Variants in CDH3 observed in about 807,000 individuals in gnomAD.
CDH3 encodes cadherin-3.
CDH3 carries 54 observed loss-of-function variants against 82.0 expected under a neutral mutation model. That is an observed-to-expected ratio of 0.66 (90% CI 0.53 to 0.83). The LOEUF (loss-of-function observed/expected upper bound fraction) is 0.83. Among genes scored for constraint, CDH3 ranks in the 40% least tolerant of loss-of-function variants. The pLI is 0.00. For synonymous variants in CDH3, 446 were observed against 437.9 expected, an observed-to-expected ratio of 1.02 and a Z score of -0.23; for missense variants, 1,054 against 1,084.6, an observed-to-expected ratio of 0.97 and a Z score of 0.40.
intron 2 of CDH3, among the ~76,000 whole-genome samples, chr16:68,657,532 C>A (rs1180751028): frequency 6.6e-6 from 1 of 152,114 alleles, no homozygotes; most frequent in Non-Finnish European, 1.5e-5. Flanking sequence ...AAACGTCTTC[C>A]TTTCTCCCTC....
downstream of CDH3, among the ~76,000 whole-genome samples, chr16:68,732,378 T>C (rs1962302180): frequency 6.6e-6 from 1 of 152,170 alleles, no homozygotes; most frequent in African/African-American, 2.4e-5. Flanking sequence ...TGCCAGGAGA[T>C]GAAAGGGACA....
intron 2 of CDH3, among the ~76,000 whole-genome samples, chr16:68,653,365 G>C (rs549329076): frequency 1.4e-3 from 217 of 151,814 alleles, no homozygotes; most frequent in African/African-American, 5.0e-3. Flanking sequence ...GCCTTCCCAA[G>C]TAGCTGGGAT....
chr16:68,673,062 ATTGT>A (rs1379442817), intron 2 of CDH3, among the ~76,000 whole-genome samples: 4 of 151,982 alleles, frequency 2.6e-5, no homozygotes, highest in Admixed American at 2.6e-4. Flanking sequence ...ATTCTCCCTC[ATTGT>A]TTGGGCCGAT....
chr16:68,681,590 C>T (rs1273744068), intron 8 of CDH3, among the ~76,000 whole-genome samples: 1 of 152,226 alleles, frequency 6.6e-6, no homozygotes, highest in Non-Finnish European at 1.5e-5. Flanking sequence ...AATCCCAGCA[C>T]TTTGGGAGGC....
intron 2 of CDH3, among the ~76,000 whole-genome samples, chr16:68,674,811 A>G (rs540597671): frequency 6.6e-6 from 1 of 152,240 alleles, no homozygotes; most frequent in Non-Finnish European, 1.5e-5. Flanking sequence ...TATTACTTTC[A>G]TTATTTTAAA....
chr16:68,646,657 C>T (rs1329399157), intron 2 of CDH3, among the ~76,000 whole-genome samples: 2 of 97,042 alleles, frequency 2.1e-5, no homozygotes, highest in Admixed American at 1.0e-4. Flanking sequence ...ATGGGGGCTC[C>T]AGCAAGGGTT....
rs767479323 is a variant in CDH3, at chr16:68,682,387, C to T, written c.1082C>T (p.Ala361Val). The T allele has an allele frequency of 9.3e-6, 15 of 1,613,932 alleles. No individual in the cohort carries two copies. The highest frequency in any genetic ancestry group is 2.2e-5 in the East Asian group (1 of 44,894). Residue 361 changes from alanine to valine, a missense_variant, in exon 9 of 16, where the codon GCG becomes GTG. Ala to Val is a moderately conservative substitution (Grantham distance 64, BLOSUM62 0). Coordinates refer to ENST00000264012, the MANE Select transcript of CDH3 (RefSeq NM_001793.6). ...VTDLDAPNSP[A>V]WRATYLIMGG... ...GATCTGGACGCCCCCAACTCACCAG[C>T]GTGGCGTGCCACCTACCTTATCATG...
rs766148881 is a variant in CDH3, at chr16:68,687,068, T to C, written c.1571-444T>C. On this transcript the variant is annotated intron_variant, in intron 11 of 15. Coordinates refer to ENST00000264012, the MANE Select transcript of CDH3 (RefSeq NM_001793.6). ...TCAGTTTTCCCTTGTGATTGATTGA[T>C]AGGGGCTGACTGGAAAGTGCCATGA... Among the ~76,000 whole-genome samples the C allele has an allele frequency of 1.4e-4, 21 of 152,316 alleles. No homozygotes were observed. The Middle Eastern group carries it at 0.014, about 99-fold the overall frequency.
chr16:68,675,562 C>T (rs1211220858), intron 2 of CDH3, among the ~76,000 whole-genome samples: 4 of 151,936 alleles, frequency 2.6e-5, no homozygotes, highest in African/African-American at 9.7e-5. Context: ...TTTGGGAGAC[C>T]GAGGCGGGTG....
At chr16:68,659,923 C>T (rs1960514540) in intron 2 of CDH3, among the ~76,000 whole-genome samples, 1 of 151,852 alleles carries the variant, frequency 6.6e-6, no homozygotes, top group South Asian at 2.1e-4. Context: ...CTTAGAATCA[C>T]AGGCATCTTT....
intron 2 of CDH3, among the ~76,000 whole-genome samples, chr16:68,723,977 G>A (rs1333182729): frequency 1.3e-5 from 2 of 151,800 alleles, no homozygotes; most frequent in Non-Finnish European, 2.9e-5. Context: ...GCTGAGGCAG[G>A]AGAATGGCGT....
intron 2 of CDH3, among the ~76,000 whole-genome samples, chr16:68,660,829 G>A (rs1241104187): frequency 1.3e-5 from 2 of 152,106 alleles, no homozygotes; most frequent in African/African-American, 4.8e-5. Context: ...CGTAGTGGCA[G>A]GCGCCTGTAG....
intron 1 of CDH3, among the ~76,000 whole-genome samples, chr16:68,712,371 G>A (rs895646487): frequency 6.6e-6 from 1 of 152,078 alleles, no homozygotes; most frequent in African/African-American, 2.4e-5. Flanking sequence ...GGAGCTGGGA[G>A]TAAACAGTGG....
rs928844299 is a variant in CDH3 at position 68,721,149 on chromosome 16, G to A, written c.100-1276G>A. Among the ~76,000 whole-genome samples, 6 of 151,196 alleles carry A rather than the reference G, an allele frequency of 4.0e-5. No individual in the cohort carries two copies. The East Asian group carries it at 1.2e-3, about 29-fold the overall frequency. ...GCTCCTAATCATCATACTAAATCAT[G>A]TGACATTCCTGGAGACAAGCTGTGT... is the stretch of plus-strand genomic sequence containing the variant. On this transcript the variant is annotated intron_variant, in intron 1 of 2. Coordinates refer to the CDH3 transcript ENST00000569080.
chr16:68,731,513 T>TAC (rs1445529936), downstream of CDH3, among the ~76,000 whole-genome samples: 24 of 35,120 alleles, frequency 6.8e-4, 1 homozygote, highest in African/African-American at 2.0e-3. Flanking sequence ...CACACACACA[T>TAC]ATACACACAC....
downstream of CDH3, among the ~76,000 whole-genome samples, chr16:68,702,667 C>T (rs548999056): frequency 2.4e-3 from 367 of 152,196 alleles, no homozygotes; most frequent in Middle Eastern, 6.8e-3. Flanking sequence ...GAGTTTGAGA[C>T]CAGCCTGGCC....
At chr16:68,714,494 T>C (rs957927092) in intron 1 of CDH3, among the ~76,000 whole-genome samples, 3 of 152,194 alleles carry the variant, frequency 2.0e-5, no homozygotes, top group Admixed American at 6.6e-5. Flanking sequence ...GTCATTTTTT[T>C]CCCCAGGAAG....
chr16:68,717,233 T>C (rs988272550), intron 1 of CDH3, among the ~76,000 whole-genome samples: 2 of 152,196 alleles, frequency 1.3e-5, no homozygotes, highest in Non-Finnish European at 2.9e-5. Context: ...TCAATATTCA[T>C]GATTAGATAA....
chr16:68,719,298 C>T (rs902488084), intron 1 of CDH3, among the ~76,000 whole-genome samples: 1 of 150,898 alleles, frequency 6.6e-6, no homozygotes, highest in Non-Finnish European at 1.5e-5. Flanking sequence ...TACAGACATA[C>T]ACAACAATAT....
Sources: gnomAD v4.1 joint callset for allele counts (sites outside exome capture counted in the v4.1 genomes callset) on GRCh38, gnomAD v4.1.1 for gene constraint, MANE v1.5 for transcripts, NCBI Gene and HGNC (gene_info 2026-07-23, HGNC 2026-07-21) for gene names.